The following RHOBTB3 variants were observed in gnomAD, a reference collection of about 807,000 sequenced individuals.
RHOBTB3 encodes Rho related BTB domain containing 3.
In RHOBTB3, 47 loss-of-function variants were observed where a neutral mutation model predicts 67.2. That is an observed-to-expected ratio of 0.70 (90% CI 0.55 to 0.89). The LOEUF (loss-of-function observed/expected upper bound fraction) is 0.89. Ranked by LOEUF, RHOBTB3 falls within the 40% of genes least tolerant of loss-of-function variation. RHOBTB3 has a pLI of 0.00. For synonymous variants in RHOBTB3, 273 were observed against 274.2 expected, an observed-to-expected ratio of 1.00 and a Z score of 0.04; for missense variants, 631 against 750.0, an observed-to-expected ratio of 0.84 and a Z score of 1.85.
At chr5:95,753,326 G>T (rs534497018) in intron 5 of RHOBTB3, among the ~76,000 whole-genome samples, 3 of 151,880 alleles carry the variant, frequency 2.0e-5, no homozygotes, top group Non-Finnish European at 4.4e-5. Context: ...CAAAATCCAC[G>T]TGAGGGATAT....
Position 95,793,096 on chromosome 5 carries a change from G to T in RHOBTB3, c.1758G>T (p.Pro586=). Residue 586 remains proline (P), a synonymous_variant, in exon 12 of 12, where the codon CCG becomes CCT. Coordinates refer to ENST00000379982, the MANE Select transcript of RHOBTB3 (RefSeq NM_014899.4). ...GTTTTGTTGAAAAGCACAGATGGCC[G>T]TCGAATATGTACTTGAAGCAGCTTG... The part of the protein sequence containing the change: ...ERSFVEKHRW[P]SNMYLKQLAE... 1 of 1,613,416 alleles carries T rather than the reference G, an allele frequency of 6.2e-7. No homozygotes were observed. The highest frequency in any genetic ancestry group is 1.3e-5 in the African/African-American group (1 of 75,010).
In RHOBTB3 at chr5:95,796,074, G is replaced by T. The variant is rs1348651459; in HGVS notation, c.*2900G>T. Reference sequence around the variant, plus strand: ...TAATTCTGTCCAAGCCAGCATGGTGGCTTCATATTAAGTAGTAACAGAAGT... The same window carrying T: ...TAATTCTGTCCAAGCCAGCATGGTGTCTTCATATTAAGTAGTAACAGAAGT... On this transcript the variant is annotated 3_prime_UTR_variant, in exon 12 of 12. Transcript: ENST00000379982. 2.0e-5 allele frequency: 3 copies of T among 152,186 alleles called. No individual in the cohort carries two copies. The highest frequency in any genetic ancestry group is 7.2e-5 in the African/African-American group (3 of 41,442). The allele number at this position is 152,186 out of a possible 1,614,324, so 9.4% of individuals were successfully genotyped here. A position where few individuals can be genotyped will look rare whatever the true frequency, so the allele number is the denominator to read the frequency against.
intron 1 of RHOBTB3, among the ~76,000 whole-genome samples, chr5:95,718,889 G>A (rs1408994471): frequency 6.6e-6 from 1 of 152,148 alleles, no homozygotes; most frequent in East Asian, 1.9e-4. Context: ...GCACAAGCAG[G>A]GAACAACTGG....
chr5:95,720,494 G>A (rs1754837766), intron 1 of RHOBTB3, among the ~76,000 whole-genome samples: 1 of 152,232 alleles, frequency 6.6e-6, no homozygotes, highest in South Asian at 2.1e-4. Flanking sequence ...AGTCTAGCAT[G>A]GAGAGTTACT....
chr5:95,768,232 A>G (rs748067031), intron 8 of RHOBTB3, 66 bp downstream of exon 8: 33 of 1,486,514 alleles, frequency 2.2e-5, no homozygotes, highest in African/African-American at 2.8e-5. Flanking sequence ...CTTGCTTTCT[A>G]CTTCAGGTTT....
At chr5:95,752,142 G>GT in intron 4 of RHOBTB3, 97 bp from the exon 5 acceptor site, 2 of 725,990 alleles carry the variant, frequency 2.8e-6, no homozygotes, top group Non-Finnish European at 4.8e-6. Flanking sequence ...TGGTACTGAC[G>GT]TTTAAAATGT....
At position 95,731,689 on chromosome 5, in the gene RHOBTB3, G is replaced by T. The variant is rs1488859684; in HGVS notation, c.2+5G>T. ...TGCCCTTGGATTTGAGATCATGTAC[G>T]TACGCGCCGCCGTCCTGCCATTGTC... On this transcript the variant is annotated splice_donor_5th_base_variant and intron_variant, in intron 1 of 11. Transcript: ENST00000379982. 1.2e-6 allele frequency: 2 copies of T among 1,613,380 alleles called. No homozygotes were observed. Among genetic ancestry groups the T allele is most frequent in the South Asian group, 1.1e-5 (1 of 91,004 alleles).
rs185266796 is a variant in RHOBTB3 at position 95,772,570 on chromosome 5, T to G, written c.1282+4404T>G. On this transcript the variant is annotated intron_variant, in intron 8 of 11. Coordinates refer to ENST00000379982, the MANE Select transcript of RHOBTB3 (RefSeq NM_014899.4). ...GTCATCCCCTAAGACTCTGGAATTT[T>G]GGGTTATTCTCTAAATGACTAATCT... Among the ~76,000 whole-genome samples the G allele has an allele frequency of 2.0e-4, 31 of 152,318 alleles. No individual in the cohort carries two copies. The East Asian group carries it at 5.6e-3, about 27-fold the overall frequency.
At chr5:95,726,487 A>T (rs923172315), upstream of RHOBTB3, among the ~76,000 whole-genome samples, 2 of 152,260 alleles carry the variant, frequency 1.3e-5, no homozygotes, top group Non-Finnish European at 2.9e-5. Context: ...AGTTCAGAAT[A>T]TCATTGTCTA....
chr5:95,762,683 T>G (rs568695511), intron 6 of RHOBTB3, among the ~76,000 whole-genome samples: 1 of 152,282 alleles, frequency 6.6e-6, no homozygotes, highest in Admixed American at 6.5e-5. Flanking sequence ...AATGTCATGA[T>G]CAGATTCGTG....
Position 95,755,561 on chromosome 5 carries a change from T to A in RHOBTB3, c.848T>A (p.Leu283Gln), listed in dbSNP as rs948253213. ...VLCAVSHVFM[L>Q]LFNVKSPTDI... ...TGCGCTGTAAGCCATGTTTTCATGC[T>A]GCTTTTCAATGTGAAGAGTCCCACT... Residue 283 changes from leucine (L) to glutamine (Q), a missense_variant, in exon 6 of 12, where the codon CTG becomes CAG. By Grantham distance (113) the Leu-to-Gln change is moderately radical (BLOSUM62 -2). Coordinates refer to ENST00000379982, the MANE Select transcript of RHOBTB3 (RefSeq NM_014899.4). 1.2e-6 allele frequency: 2 copies of A among 1,614,052 alleles called. No individual in the cohort carries two copies. Among genetic ancestry groups the A allele is most frequent in the Middle Eastern group, 1.6e-4 (1 of 6,084 alleles).
chr5:95,733,522 G>T (rs1016772992), intron 2 of RHOBTB3, among the ~76,000 whole-genome samples: 6 of 152,174 alleles, frequency 3.9e-5, no homozygotes, highest in Non-Finnish European at 8.8e-5. Context: ...AAACAGTAAT[G>T]CTTGTGATCC....
Position 95,783,729 on chromosome 5 carries a change from G to A in RHOBTB3, c.1457-68G>A. ...TTTTAATTGTTGTTTTTTGTTGGTG[G>A]GGGGTGTTTAGATCATTAAAGAAAT... On this transcript the variant is annotated intron_variant, in intron 9 of 11. Transcript: ENST00000379982. 5.3e-6 allele frequency: 7 copies of A among 1,321,032 alleles called. No homozygotes were observed. In the South Asian group the frequency reaches 8.4e-5, roughly 16 times the overall value. The allele number at this position is 1,321,032 out of a possible 1,614,324, so 81.8% of individuals were successfully genotyped here.
intron 6 of RHOBTB3, among the ~76,000 whole-genome samples, chr5:95,762,184 A>C (rs1745412627): frequency 6.6e-6 from 1 of 152,162 alleles, no homozygotes; most frequent in Non-Finnish European, 1.5e-5. Flanking sequence ...AATGCTACAT[A>C]TCATTTGACT....
At chr5:95,748,737 T>C (rs1183920917) in intron 4 of RHOBTB3, among the ~76,000 whole-genome samples, 1 of 152,228 alleles carries the variant, frequency 6.6e-6, no homozygotes, top group East Asian at 1.9e-4. Context: ...TAGTAGTCTT[T>C]GTTGTATGTA....
chr5:95,770,527 G>T, intron 8 of RHOBTB3: 1 of 360,972 alleles, frequency 2.8e-6, no homozygotes. Context: ...CTATGGTTGG[G>T]GGTTTTGTGA....
chr5:95,763,536 A>G lies in RHOBTB3; in HGVS notation c.1077A>G (p.Glu359=), dbSNP rs754772220. 3 of 1,612,068 alleles carry G rather than the reference A, an allele frequency of 1.9e-6. No individual in the cohort carries two copies. The highest frequency in any genetic ancestry group is 2.5e-6 in the Non-Finnish European group (3 of 1,178,570). The change falls in exon 7 of 12, where the codon GAA becomes GAG. Residue 359 remains glutamate (E), a synonymous_variant. Transcript: ENST00000379982. ...SGAFQWEELE[E]DIRKKLKDSG... ...CTTTTCAGTGGGAAGAATTGGAAGA[A>G]GATATCAGGAAGAAGTTGAAAGATT...
At position 95,748,291 on chromosome 5, in the gene RHOBTB3, G is replaced by T. The variant is rs1165718183; in HGVS notation, c.416-42G>T. On this transcript the variant is annotated intron_variant, in intron 3 of 11. Transcript: ENST00000379982. ...ATTGTCTGTGTACCTTTTTTTTCCT[G>T]TTTAATTTCGAAACTCTTTGTTTTA... 2.8e-5 allele frequency: 42 copies of T among 1,495,072 alleles called. No individual in the cohort carries two copies. The Admixed American group carries it at 4.0e-4, about 14-fold the overall frequency. The allele number at this position is 1,495,072 out of a possible 1,614,324, so 92.6% of individuals were successfully genotyped here.
Position 95,768,043 on chromosome 5 carries a change from T to C in RHOBTB3, c.1162-3T>C, listed in dbSNP as rs1360318648. 3.1e-6 allele frequency: 5 copies of C among 1,612,712 alleles called. No individual in the cohort carries two copies. The highest frequency in any genetic ancestry group is 1.3e-5 in the African/African-American group (1 of 74,984). ...TTCCCTGTATTTTTGTTTTCCCTTA[T>C]AGATTAATTGCCTAAGGAATTGCAA... is the stretch of plus-strand genomic sequence containing the variant. On this transcript the variant is annotated splice_polypyrimidine_tract_variant and splice_region_variant and intron_variant, in intron 7 of 11. Transcript: ENST00000379982.
Sources: gnomAD v4.1 joint callset for allele counts (sites outside exome capture counted in the v4.1 genomes callset) on GRCh38, gnomAD v4.1.1 for gene constraint, MANE v1.5 for transcripts, NCBI Gene and HGNC (gene_info 2026-07-23, HGNC 2026-07-21) for gene names.